Variants in SPRR2G observed in about 807,000 individuals in gnomAD.
SPRR2G encodes small proline rich protein 2G, also known as small proline-rich protein 2G.
Under a neutral mutation model 0.7 loss-of-function variants are expected in SPRR2G, and 1 was observed. That is an observed-to-expected ratio of 1.49 (90% CI 0.53 to 7.06). The LOEUF (loss-of-function observed/expected upper bound fraction) is 7.06. Ranked by LOEUF, SPRR2G falls within the 30% of genes most tolerant of loss-of-function variation. The pLI is 0.14. For missense variants in SPRR2G, 96 were observed against 88.5 expected (o/e 1.09, Z -0.34); for synonymous variants, 38 against 33.9 (o/e 1.12, Z -0.42).
At chr1:153,161,478 C>T in the SPRR2G span, among the ~76,000 whole-genome samples, 1 of 44,690 alleles carries the variant, frequency 2.2e-5, no homozygotes, top group African/African-American at 4.9e-5. Flanking sequence ...TATCAACCCC[C>T]TATCACATGT....
chr1:153,177,288 T>C, the SPRR2G span, among the ~76,000 whole-genome samples: 1 of 152,224 alleles, frequency 6.6e-6, no homozygotes, highest in Non-Finnish European at 1.5e-5. Context: ...AATTTGGGGC[T>C]ATATGAACAA....
the SPRR2G span, among the ~76,000 whole-genome samples, chr1:153,167,389 G>A: frequency 4.6e-5 from 7 of 152,164 alleles, no homozygotes; most frequent in African/African-American, 1.2e-4. Flanking sequence ...CAGGAGAATC[G>A]CTTGAACCTG....
upstream of SPRR2G, among the ~76,000 whole-genome samples, chr1:153,153,768 T>C (rs1280688910): frequency 6.6e-6 from 1 of 152,160 alleles, no homozygotes; most frequent in East Asian, 1.9e-4. Context: ...ATAAAATTAT[T>C]TCTATTTTAA....
chr1:153,167,446 C>A, the SPRR2G span, among the ~76,000 whole-genome samples: 17 of 151,934 alleles, frequency 1.1e-4, 1 homozygote, highest in African/African-American at 4.1e-4. Flanking sequence ...TGCACCCAGT[C>A]TGGGCAACAA....
chr1:153,180,385 AT>A, the SPRR2G span, among the ~76,000 whole-genome samples: 6 of 151,718 alleles, frequency 4.0e-5, no homozygotes, highest in African/African-American at 2.4e-5. Context: ...TGGTGCCTGG[AT>A]TTTTTTTCCC....
chr1:153,172,642 C>T, the SPRR2G span, among the ~76,000 whole-genome samples: 1 of 152,168 alleles, frequency 6.6e-6, no homozygotes, highest in African/African-American at 2.4e-5. Context: ...TTAGACACAT[C>T]ACATTAGTAA....
the SPRR2G span, among the ~76,000 whole-genome samples, chr1:153,159,336 A>G: frequency 2.0e-5 from 3 of 152,334 alleles, no homozygotes; most frequent in Non-Finnish European, 4.4e-5. Context: ...GCATAGCAGC[A>G]GTGACCTTTA....
upstream of SPRR2G, among the ~76,000 whole-genome samples, chr1:153,152,990 T>C (rs554276718): frequency 6.6e-6 from 1 of 152,198 alleles, no homozygotes; most frequent in South Asian, 2.1e-4. Context: ...AGAGAGAAAA[T>C]AGCTAAAGGA....
At chr1:153,177,661 T>A in the SPRR2G span, among the ~76,000 whole-genome samples, 2 of 152,196 alleles carry the variant, frequency 1.3e-5, no homozygotes, top group African/African-American at 4.8e-5. Flanking sequence ...TAAATGTAGG[T>A]CTATTTCTGA....
upstream of SPRR2G, among the ~76,000 whole-genome samples, chr1:153,153,018 T>C (rs1272839325): frequency 6.6e-6 from 1 of 152,180 alleles, no homozygotes; most frequent in African/African-American, 2.4e-5. Context: ...TCCTCATTTT[T>C]CACAAATAAT....
the SPRR2G span, among the ~76,000 whole-genome samples, chr1:153,168,164 T>C: frequency 6.6e-6 from 1 of 152,206 alleles, no homozygotes. Context: ...AATAGACTCT[T>C]CCACCAACTG....
the SPRR2G span, among the ~76,000 whole-genome samples, chr1:153,159,283 A>C: frequency 6.6e-6 from 1 of 152,192 alleles, no homozygotes; most frequent in Non-Finnish European, 1.5e-5. Flanking sequence ...AGCACCACAC[A>C]TCTCCAGGGC....
chr1:153,191,035 C>T, the SPRR2G span: 1 of 152,186 alleles, frequency 6.6e-6, no homozygotes, highest in Non-Finnish European at 1.5e-5. Flanking sequence ...TGGAAGGACC[C>T]TAGAGGCAAT....
At chr1:153,155,872 TC>T (rs1421040428), upstream of SPRR2G, among the ~76,000 whole-genome samples, 1 of 152,220 alleles carries the variant, frequency 6.6e-6, no homozygotes, top group East Asian at 1.9e-4. Context: ...CCTTCCTGGA[TC>T]CCTCCTATTA....
At chr1:153,189,634 T>C in the SPRR2G span, among the ~76,000 whole-genome samples, 1 of 152,134 alleles carries the variant, frequency 6.6e-6, no homozygotes, top group Non-Finnish European at 1.5e-5. Flanking sequence ...CTGGCAGAGA[T>C]GAGGGAGATT....
At chr1:153,196,850 T>C in the SPRR2G span, among the ~76,000 whole-genome samples, 1 of 152,214 alleles carries the variant, frequency 6.6e-6, no homozygotes, top group East Asian at 1.9e-4. Context: ...TTAAGACATC[T>C]GCCCCAGTGG....
chr1:153,161,401 C>A, the SPRR2G span, among the ~76,000 whole-genome samples: 15 of 66,788 alleles, frequency 2.2e-4, 5 homozygotes, highest in Non-Finnish European at 2.1e-4. Context: ...AGGCACTTTG[C>A]CCAGTTTTTA....
chr1:153,202,013 G>A, the SPRR2G span, among the ~76,000 whole-genome samples: 1 of 152,206 alleles, frequency 6.6e-6, no homozygotes, highest in African/African-American at 2.4e-5. Flanking sequence ...GTCCCAAAGA[G>A]TTAAACAAAC....
chr1:153,171,403 C>T, the SPRR2G span, among the ~76,000 whole-genome samples: 1 of 152,168 alleles, frequency 6.6e-6, no homozygotes, highest in Admixed American at 6.5e-5. Flanking sequence ...TACACCCACT[C>T]GCCTCCCCAG....
Sources: allele counts gnomAD v4.1 joint callset (sites outside exome capture counted in the v4.1 genomes callset), GRCh38; gene constraint gnomAD v4.1.1; transcripts MANE v1.5; gene names NCBI Gene and HGNC (gene_info 2026-07-23, HGNC 2026-07-21).